The following PBX1 variants were observed in gnomAD, a reference collection of about 807,000 sequenced individuals.
PBX1 encodes the protein pre-B-cell leukemia transcription factor 1.
A neutral mutation model predicts 53.4 loss-of-function variants in PBX1; 6 were observed. The observed-to-expected ratio is 0.11, with a 90% confidence interval of 0.06 to 0.22. The LOEUF is 0.22. PBX1 is among the 10% of genes least tolerant of loss of function. The probability of loss-of-function intolerance (pLI) is 1.00; values close to 1 mark genes in which losing one functional copy is unlikely to be tolerated. For synonymous variants in PBX1, 204 were observed against 212.3 expected, an observed-to-expected ratio of 0.96 and a Z score of 0.34; for missense variants, 251 against 551.4, an observed-to-expected ratio of 0.46 and a Z score of 5.46.
chr1:164,675,725 G>A (rs1056137574), intron 2 of PBX1, among the ~76,000 whole-genome samples: 3 of 151,994 alleles, frequency 2.0e-5, no homozygotes, highest in African/African-American at 7.2e-5. Flanking sequence ...CCCAGACCCC[G>A]CCCCCAGACA....
chr1:164,848,379 C>G lies in PBX1; in HGVS notation c.*1703C>G. The G allele has an allele frequency of 1.8e-5, 19 of 1,055,404 alleles. No individual in the cohort carries two copies. Among genetic ancestry groups the G allele is most frequent in the Non-Finnish European group, 2.2e-5 (19 of 873,008 alleles). The allele number at this position is 1,055,404 out of a possible 1,614,324, so 65.4% of individuals were successfully genotyped here. On this transcript the variant is annotated 3_prime_UTR_variant, in exon 9 of 9. Coordinates refer to ENST00000420696, the MANE Select transcript of PBX1 (RefSeq NM_002585.4). ...CATCTGTGAGATGGGAACTGTTATG[C>G]CTGGCTTACTAAGAGTCTTGTGAGA...
chr1:164,635,956 C>T (rs890391995), intron 2 of PBX1, among the ~76,000 whole-genome samples: 2 of 152,138 alleles, frequency 1.3e-5, no homozygotes, highest in African/African-American at 2.4e-5. Flanking sequence ...GACTTGGCTT[C>T]CTGTGCTGGA....
At chr1:164,727,154 A>G (rs1571296612) in intron 2 of PBX1, among the ~76,000 whole-genome samples, 1 of 152,186 alleles carries the variant, frequency 6.6e-6, no homozygotes, top group South Asian at 2.1e-4. Context: ...GAGTTATTGC[A>G]TTCACCCCTT....
chr1:164,587,783 C>G (rs1331331796), intron 2 of PBX1, among the ~76,000 whole-genome samples: 4 of 152,206 alleles, frequency 2.6e-5, no homozygotes, highest in African/African-American at 9.6e-5. Flanking sequence ...CCGGCACATA[C>G]AGCCTCACAC....
chr1:164,720,144 C>A (rs540301787), intron 2 of PBX1, among the ~76,000 whole-genome samples: 266 of 152,314 alleles, frequency 1.7e-3, no homozygotes, highest in African/African-American at 6.2e-3. Flanking sequence ...CTTGTCCAGA[C>A]AGGTCCAAAA....
At chr1:164,857,548 G>A (rs1672005850) in intron 2 of PBX1, among the ~76,000 whole-genome samples, 1 of 152,202 alleles carries the variant, frequency 6.6e-6, no homozygotes, top group Non-Finnish European at 1.5e-5. Context: ...GAATTGTGGG[G>A]TGGGGCTGAA....
At chr1:164,883,707 G>A (rs16835844) in intron 2 of PBX1, among the ~76,000 whole-genome samples, 2,261 of 152,118 alleles carry the variant, frequency 0.015, 63 homozygotes, top group African/African-American at 0.051. Context: ...CCATAAAATG[G>A]GAGCACCGGC....
At chr1:164,615,803 G>A (rs1468920711) in intron 2 of PBX1, among the ~76,000 whole-genome samples, 1 of 152,178 alleles carries the variant, frequency 6.6e-6, no homozygotes, top group Admixed American at 6.5e-5. Context: ...TGTCACAAGA[G>A]GGGAGGAGTG....
chr1:164,858,744 A>C (rs1364699432), intron 2 of PBX1, among the ~76,000 whole-genome samples: 1 of 152,224 alleles, frequency 6.6e-6, no homozygotes, highest in African/African-American at 2.4e-5. Context: ...TAGACATCCC[A>C]GAATCTCATC....
intron 4 of PBX1, among the ~76,000 whole-genome samples, chr1:164,803,594 A>G (rs1460364302): frequency 6.6e-6 from 1 of 152,214 alleles, no homozygotes. Flanking sequence ...CCACAGGAGC[A>G]TGAAAGCCAC....
At chr1:164,866,809 A>G (rs542809954) in intron 2 of PBX1, among the ~76,000 whole-genome samples, 9 of 152,218 alleles carry the variant, frequency 5.9e-5, no homozygotes, top group Non-Finnish European at 1.0e-4. Context: ...ATCTAATTTT[A>G]AAATAAATTA....
intron 2 of PBX1, chr1:164,700,622 G>T (rs1663063696): frequency 5.1e-6 from 5 of 985,234 alleles, no homozygotes; most frequent in South Asian, 9.4e-5. Flanking sequence ...TACAGTGCAT[G>T]GTACAGAGGT....
Position 164,559,949 on chromosome 1 carries a change from A to T in PBX1, c.127A>T (p.Ile43Phe). ...GGGGGAGGGCGGGAGGAAGCAGGAC[A>T]TTGGAGACATTTTACAGCAAATTAT... is the stretch of plus-strand genomic sequence containing the variant. ...TEGEGGRKQDIGDILQQIMTI... is the reference protein window; with the variant it reads ...TEGEGGRKQDFGDILQQIMTI... Residue 43 changes from isoleucine to phenylalanine, a missense_variant, in exon 1 of 9, where the codon ATT becomes TTT. Physicochemically the swap from Ile to Phe is conservative, Grantham distance 21. Transcript: ENST00000420696. The T allele has an allele frequency of 1.3e-6, 2 of 1,543,428 alleles. No individual in the cohort carries two copies. Among genetic ancestry groups the T allele is most frequent in the Non-Finnish European group, 8.8e-7 (1 of 1,142,558 alleles).
chr1:164,565,124 T>C (rs1303452113), intron 2 of PBX1, among the ~76,000 whole-genome samples: 1 of 152,048 alleles, frequency 6.6e-6, no homozygotes, highest in Non-Finnish European at 1.5e-5. Flanking sequence ...ACTGAGGCAG[T>C]AGATTAAAGT....
At chr1:164,855,971 G>T (rs1164295111), downstream of PBX1, among the ~76,000 whole-genome samples, 2 of 152,168 alleles carry the variant, frequency 1.3e-5, no homozygotes, top group Non-Finnish European at 2.9e-5. Flanking sequence ...ACATATTTGA[G>T]ATTTATCTTG....
intron 2 of PBX1, among the ~76,000 whole-genome samples, chr1:164,878,463 A>C (rs1298256306): frequency 6.6e-6 from 1 of 152,296 alleles, no homozygotes; most frequent in East Asian, 1.9e-4. Context: ...CATATGAATT[A>C]GCTTTTTTAA....
intron 2 of PBX1, among the ~76,000 whole-genome samples, chr1:164,773,944 A>C (rs1335969077): frequency 1.3e-5 from 2 of 152,240 alleles, no homozygotes; most frequent in East Asian, 3.8e-4. Context: ...ACGACTCCCC[A>C]TGTTAGTGAA....
At chr1:164,813,054 G>A (rs932170263) in intron 6 of PBX1, 6 of 152,050 alleles carry the variant, frequency 3.9e-5, no homozygotes, top group African/African-American at 7.2e-5. Context: ...ATGTTTGATC[G>A]TAATATGATT....
chr1:164,814,820 A>G (rs973362354), intron 6 of PBX1: 1 of 152,422 alleles, frequency 6.6e-6, no homozygotes, highest in Middle Eastern at 3.1e-3. Context: ...AGGCTTCTGT[A>G]TGGAGAACAG....
Sources: gnomAD v4.1 joint callset for allele counts (sites outside exome capture counted in the v4.1 genomes callset) on GRCh38, gnomAD v4.1.1 for gene constraint, MANE v1.5 for transcripts, NCBI Gene and HGNC (gene_info 2026-07-23, HGNC 2026-07-21) for gene names.